The following ACACA variants were observed in gnomAD, a reference collection of about 807,000 sequenced individuals.
ACACA encodes the protein acetyl-CoA carboxylase alpha.
A neutral mutation model predicts 296.1 loss-of-function variants in ACACA; 103 were observed. The observed-to-expected ratio is 0.35, with a 90% CI of 0.30 to 0.41. The LOEUF (loss-of-function observed/expected upper bound fraction) is 0.41. Among genes scored for constraint, ACACA ranks in the 10% least tolerant of loss-of-function variants. The probability of loss-of-function intolerance (pLI) is 1.00; values close to 1 mark genes in which losing one functional copy is unlikely to be tolerated. For synonymous variants in ACACA, 953 were observed against 1,038.6 expected (o/e 0.92, Z 1.58); for missense variants, 1,554 against 2,989.7 (o/e 0.52, Z 11.20).
At chr17:37,102,501 T>C (rs577005547) in intron 52 of ACACA, among the ~76,000 whole-genome samples, 1 of 152,232 alleles carries the variant, frequency 6.6e-6, no homozygotes, top group South Asian at 2.1e-4. Context: ...CGCACCTGGC[T>C]GCATCCAGCT....
chr17:37,276,195 G>T (rs2082278470), intron 7 of ACACA, 146 bp from the exon 8 acceptor site: 4 of 693,854 alleles, frequency 5.8e-6, no homozygotes. Context: ...AAATTATGGG[G>T]ACTATTATGC....
intron 50 of ACACA, among the ~76,000 whole-genome samples, chr17:37,118,979 C>A (rs7215365): frequency 0.31 from 47,674 of 151,932 alleles, 9,996 homozygotes; most frequent in African/African-American, 0.59. Context: ...TCTGAACTCC[C>A]GTTAGGATAA....
intron 50 of ACACA, among the ~76,000 whole-genome samples, chr17:37,116,782 G>A (rs749103219): frequency 6.6e-5 from 10 of 152,212 alleles, no homozygotes; most frequent in South Asian, 2.1e-4. Flanking sequence ...ACACACAATT[G>A]TCTGAAATCC....
chr17:37,125,773 C>G lies in ACACA; in HGVS notation c.5966G>C (p.Ser1989Thr). Reference protein sequence around the residue: ...PHPTQKGQWLSGFFDYGSFSE... With the variant: ...PHPTQKGQWLTGFFDYGSFSE... ...GAAAGATCCATAGTCAAAAAAGCCA[C>G]TCAACCACTGACCTTTTTGGGCTAC... The change falls in exon 48 of 56, where the codon AGT (serine) becomes ACT (threonine). Residue 1989 changes from serine to threonine, a missense_variant. Physicochemically the swap from Ser to Thr is moderately conservative, Grantham distance 58. Coordinates refer to ENST00000616317, the MANE Select transcript of ACACA (RefSeq NM_198834.3). The G allele has an allele frequency of 6.2e-7, 1 of 1,613,956 alleles. No homozygotes were observed. The highest frequency in any genetic ancestry group is 8.5e-7 in the Non-Finnish European group (1 of 1,179,920).
chr17:37,124,722 A>T (rs1320060898), intron 48 of ACACA, among the ~76,000 whole-genome samples: 1 of 152,214 alleles, frequency 6.6e-6, no homozygotes, highest in Non-Finnish European at 1.5e-5. Flanking sequence ...ATTCAGTCTG[A>T]GCTGACTCCA....
At chr17:37,268,925 G>A (rs2081940686) in intron 10 of ACACA, among the ~76,000 whole-genome samples, 2 of 150,108 alleles carry the variant, frequency 1.3e-5, no homozygotes. Context: ...TGAAATGTCT[G>A]TAAGAGTTAA....
At chr17:37,289,798 C>A (rs1431594079) in intron 3 of ACACA, among the ~76,000 whole-genome samples, 1 of 152,156 alleles carries the variant, frequency 6.6e-6, no homozygotes, top group African/African-American at 2.4e-5. Flanking sequence ...GATGGGGATC[C>A]TTCCAACTTC....
chr17:37,283,767 C>A lies in ACACA; in HGVS notation c.472-362G>T, dbSNP rs201254135. Among the ~76,000 whole-genome samples, 53 of 152,298 alleles carry A rather than the reference C, an allele frequency of 3.5e-4. No individual in the cohort carries two copies. In the East Asian group the frequency reaches 7.5e-3, roughly 22 times the overall value. On this transcript the variant is annotated intron_variant, in intron 4 of 55. Transcript: ENST00000616317. ...AAATCAGGAATGGGGGAAGGCCAAC[C>A]AGTGCAGTGCCATGCACTCTTCTCT... is the stretch of plus-strand genomic sequence containing the variant.
At chr17:37,089,212 C>G in intron 54 of ACACA, 138 bp from the exon 55 acceptor site, 1 of 1,311,226 alleles carries the variant, frequency 7.6e-7, no homozygotes, top group Non-Finnish European at 1.1e-6. Context: ...CAGCATCGTG[C>G]AGGAGGAGGA....
intron 1 of ACACA, chr17:37,375,884 T>C (rs2147703332): frequency 2.1e-6 from 1 of 482,946 alleles, no homozygotes; most frequent in South Asian, 4.4e-5. Context: ...TCTGAGTGAA[T>C]TATTAATAAG....
At chr17:37,305,569 G>T (rs1322021216) in intron 3 of ACACA, among the ~76,000 whole-genome samples, 1 of 152,164 alleles carries the variant, frequency 6.6e-6, no homozygotes, top group Non-Finnish European at 1.5e-5. Flanking sequence ...GTTACTTTCC[G>T]TTGGGCCTTA....
chr17:37,266,912 C>T (rs140284823), intron 10 of ACACA, among the ~76,000 whole-genome samples: 83 of 152,218 alleles, frequency 5.5e-4, no homozygotes, highest in African/African-American at 1.9e-3. Context: ...TTCCAGACTC[C>T]AGTAACAATT....
At chr17:37,283,523 C>G in intron 4 of ACACA, 118 bp from the exon 5 acceptor site, 3 of 1,293,960 alleles carry the variant, frequency 2.3e-6, no homozygotes, top group Non-Finnish European at 3.2e-6. Context: ...ATACTTTCAA[C>G]CAAGAATTCT....
chr17:37,265,562 A>C (rs2081725401), intron 10 of ACACA, among the ~76,000 whole-genome samples: 1 of 152,148 alleles, frequency 6.6e-6, no homozygotes, highest in African/African-American at 2.4e-5. Context: ...ATTTATGATG[A>C]TATTGGGAGG....
chr17:37,141,180 G>A, intron 45 of ACACA: 1 of 540,458 alleles, frequency 1.9e-6, no homozygotes, highest in South Asian at 1.5e-5. Context: ...CCTTGAGAGA[G>A]GTCCCCACGA....
At chr17:37,293,036 C>T (rs897465998) in intron 3 of ACACA, among the ~76,000 whole-genome samples, 3 of 152,070 alleles carry the variant, frequency 2.0e-5, no homozygotes, top group African/African-American at 4.8e-5. Flanking sequence ...GGCAAACTGC[C>T]GACACATTTT....
At chr17:37,366,389 TTTC>T (rs2049602431) in intron 1 of ACACA, among the ~76,000 whole-genome samples, 3 of 152,186 alleles carry the variant, frequency 2.0e-5, no homozygotes, top group South Asian at 2.1e-4. Context: ...CATCATTCAA[TTTC>T]TTTTTATCCT....
intron 1 of ACACA, among the ~76,000 whole-genome samples, chr17:37,358,208 G>A (rs2147567849): frequency 6.6e-6 from 1 of 152,264 alleles, no homozygotes; most frequent in Admixed American, 6.5e-5. Context: ...ATTTTTAGAG[G>A]TGATTTCAAG....
intron 24 of ACACA, among the ~76,000 whole-genome samples, chr17:37,236,333 T>G (rs2080109798): frequency 1.3e-5 from 2 of 152,226 alleles, no homozygotes; most frequent in Non-Finnish European, 2.9e-5. Context: ...TTAGCTGTTC[T>G]GCATTAATAT....
Sources: gnomAD v4.1 joint callset for allele counts (sites outside exome capture counted in the v4.1 genomes callset) on GRCh38, gnomAD v4.1.1 for gene constraint, MANE v1.5 for transcripts, NCBI Gene and HGNC (gene_info 2026-07-23, HGNC 2026-07-21) for gene names.